DZIP1L: variants seen among roughly 807,000 people sequenced by gnomAD.
DZIP1L encodes the protein DAZ interacting zinc finger protein 1 like, also known as cilium assembly protein DZIP1L.
In DZIP1L, 90 loss-of-function variants were observed where a neutral mutation model predicts 88.7. That is an observed-to-expected ratio of 1.02 (90% CI 0.86 to 1.21). The LOEUF (loss-of-function observed/expected upper bound fraction) is 1.21. Among genes scored for constraint, DZIP1L ranks in the 50% most tolerant of loss-of-function variants. The pLI is 0.00. For missense variants in DZIP1L, 932 were observed against 955.8 expected, an observed-to-expected ratio of 0.98 and a Z score of 0.33; for synonymous variants, 363 against 372.1, an observed-to-expected ratio of 0.98 and a Z score of 0.28.
At chr3:138,064,892 G>C in intron 14 of DZIP1L, 125 bp from the exon 15 acceptor site, 2 of 1,395,326 alleles carry the variant, frequency 1.4e-6, no homozygotes, top group South Asian at 1.5e-5. Context: ...GGAGGAAGAA[G>C]GCTGAGCAAC....
At position 138,104,070 on chromosome 3, in the gene DZIP1L, A is replaced by AGTCCAAGTTAGG; in HGVS notation, c.-81-30_-81-19dup. 6.7e-7 allele frequency: 1 copy of AGTCCAAGTTAGG among 1,503,260 alleles called. No individual in the cohort carries two copies. The highest frequency in any genetic ancestry group is 8.8e-7 in the Non-Finnish European group (1 of 1,138,160). The allele number at this position is 1,503,260 out of a possible 1,614,324, so 93.1% of individuals were successfully genotyped here. On this transcript the variant is annotated intron_variant, in intron 1 of 15. Transcript: ENST00000327532. ...GAGAAGGCCTGGAAAATAAGAAGAG[A>AGTCCAAGTTAGG]GTCCAAGTTAGGTGAGGTGTGTGTG...
At position 138,062,836 on chromosome 3, in the gene DZIP1L, G is replaced by A. The variant is rs142617141; in HGVS notation, c.2284C>T (p.Pro762Ser). Residue 762 changes from proline to serine, a missense_variant, in exon 16 of 16, where the codon CCC becomes TCC. Physicochemically the swap from Pro to Ser is moderately conservative, Grantham distance 74. Transcript: ENST00000327532. Reference protein sequence around the residue: ...FGTGPQSSGQPRVPAW With the variant: ...FGTGPQSSGQSRVPAW ...GTGAATCACCAGGCAGGGACCCTGG[G>A]TTGGCCAGAGCTCTGTGGACCAGTG... is the stretch of plus-strand genomic sequence containing the variant. The A allele has an allele frequency of 6.5e-4, 1,047 of 1,614,080 alleles. 6 individuals carry two copies. Among genetic ancestry groups the A allele is most frequent in the South Asian group, 4.6e-3 (415 of 91,074 alleles).
chr3:138,064,851 G>T (rs989523395), intron 14 of DZIP1L, 84 bp from the exon 15 acceptor site: 4 of 1,517,892 alleles, frequency 2.6e-6, no homozygotes, highest in South Asian at 1.3e-5. Flanking sequence ...CCAGGCTCCA[G>T]TGTGGATAGA....
intron 11 of DZIP1L, among the ~76,000 whole-genome samples, chr3:138,074,923 G>A (rs1943334108): frequency 6.6e-6 from 1 of 151,998 alleles, no homozygotes; most frequent in Non-Finnish European, 1.5e-5. Flanking sequence ...ACTCACATTA[G>A]GACTCACACA....
In DZIP1L at chr3:138,071,760, G is replaced by A. The variant is rs184030146; in HGVS notation, c.1498C>T (p.Arg500Trp). ...AGACTCAGAAATTCAGAAAACTTCC[G>A]GGCCTTCTGCTCCCGCTGGACTCTC... ...LLRVQREQKA[R>W]KFSEFLSLRG... is the part of the protein sequence containing the mutation. Residue 500 changes from arginine to tryptophan, a missense_variant, in exon 12 of 16, where the codon CGG becomes TGG. Transcript: ENST00000327532. 6.2e-5 allele frequency: 100 copies of A among 1,614,146 alleles called. No homozygotes were observed. The East Asian group carries it at 6.9e-4, about 11-fold the overall frequency.
chr3:138,085,425 C>G (rs1943881382), intron 7 of DZIP1L, among the ~76,000 whole-genome samples: 1 of 152,092 alleles, frequency 6.6e-6, no homozygotes, highest in South Asian at 2.1e-4. Flanking sequence ...AAACAAACAA[C>G]CCCATCAAAA....
chr3:138,069,175 C>T (rs1388041356), intron 12 of DZIP1L: 5 of 681,550 alleles, frequency 7.3e-6, no homozygotes, highest in Non-Finnish European at 1.3e-5. Context: ...CTACTCAACA[C>T]AAAGATAACA....
In DZIP1L at chr3:138,092,512, T is replaced by G; in HGVS notation, c.741A>C (p.Glu247Asp). The change falls in exon 5 of 16, where the codon GAA becomes GAC. Residue 247 changes from glutamate (E) to aspartate (D), a missense_variant. Physicochemically the swap from Glu to Asp is conservative, Grantham distance 45 (BLOSUM62 2). Transcript: ENST00000327532. Reference protein sequence around the residue: ...EAELIHQREIEAKKEFDKWKE... With the variant: ...EAELIHQREIDAKKEFDKWKE... ...TCCATTTATCAAATTCTTTCTTAGCTTCTATTTCCCTCTGATGAATGAGCT... is the reference window on the plus strand; with the variant it reads ...TCCATTTATCAAATTCTTTCTTAGCGTCTATTTCCCTCTGATGAATGAGCT... The G allele has an allele frequency of 1.2e-6, 2 of 1,602,526 alleles. No homozygotes were observed. Among genetic ancestry groups the G allele is most frequent in the Non-Finnish European group, 1.7e-6 (2 of 1,176,706 alleles).
chr3:138,099,139 A>C (rs1280270294), intron 2 of DZIP1L, among the ~76,000 whole-genome samples: 2 of 152,188 alleles, frequency 1.3e-5, no homozygotes, highest in Non-Finnish European at 2.9e-5. Context: ...AAAAAATAAA[A>C]AAGAATGTAT....
intron 3 of DZIP1L, among the ~76,000 whole-genome samples, chr3:138,096,452 A>C (rs1489520217): frequency 6.6e-6 from 1 of 152,252 alleles, no homozygotes; most frequent in East Asian, 1.9e-4. Flanking sequence ...TCACATTTTC[A>C]AAGATAATTT....
intron 6 of DZIP1L, 64 bp downstream of exon 6, chr3:138,088,315 T>C (rs1559844575): frequency 2.0e-6 from 3 of 1,517,378 alleles, no homozygotes; most frequent in African/African-American, 2.8e-5. Flanking sequence ...AATGAGAGAA[T>C]ATATTGGAAG....
At chr3:138,070,653 AC>A (rs1465445761) in intron 12 of DZIP1L, among the ~76,000 whole-genome samples, 4 of 152,254 alleles carry the variant, frequency 2.6e-5, no homozygotes, top group African/African-American at 9.6e-5. Flanking sequence ...TGATGTAGCA[AC>A]TAAAATCATC....
chr3:138,078,653 T>A (rs531212423), intron 10 of DZIP1L, among the ~76,000 whole-genome samples: 22 of 152,308 alleles, frequency 1.4e-4, no homozygotes, highest in South Asian at 4.1e-4. Context: ...CCAAATCTAC[T>A]GCATCAAAAA....
intron 14 of DZIP1L, among the ~76,000 whole-genome samples, chr3:138,067,057 G>T (rs1432598193): frequency 6.6e-6 from 1 of 152,150 alleles, no homozygotes; most frequent in Non-Finnish European, 1.5e-5. Context: ...TTGGGATCTG[G>T]ATTTGGGGAG....
chr3:138,087,284 A>G (rs905044281), intron 6 of DZIP1L, among the ~76,000 whole-genome samples: 2 of 152,236 alleles, frequency 1.3e-5, no homozygotes, highest in Non-Finnish European at 2.9e-5. Flanking sequence ...TCTTAAAGCA[A>G]AATAAATTGT....
At chr3:138,112,703 T>C (rs1289565615) in intron 1 of DZIP1L, among the ~76,000 whole-genome samples, 1 of 152,128 alleles carries the variant, frequency 6.6e-6, no homozygotes, top group Non-Finnish European at 1.5e-5. Context: ...TCCCAGCACT[T>C]TGGGAGGCCA....
intron 4 of DZIP1L, 58 bp downstream of exon 4, chr3:138,094,804 A>G (rs1181351844): frequency 7.5e-6 from 12 of 1,604,836 alleles, no homozygotes; most frequent in Non-Finnish European, 7.7e-6. Context: ...ATGTGCATCA[A>G]GGGTCTCCTG....
intron 14 of DZIP1L, among the ~76,000 whole-genome samples, chr3:138,067,115 T>C (rs146570480): frequency 6.6e-6 from 1 of 152,250 alleles, no homozygotes; most frequent in East Asian, 1.9e-4. Context: ...GTTCCTCTAA[T>C]CCAGCCCTAA....
chr3:138,064,929 G>A (rs1225095044), intron 14 of DZIP1L, among the ~76,000 whole-genome samples, 162 bp from the exon 15 acceptor site: 1 of 152,190 alleles, frequency 6.6e-6, no homozygotes, highest in Non-Finnish European at 1.5e-5. Context: ...GAGAAGGCCA[G>A]GCCAACAGGT....
Sources: gnomAD v4.1 joint callset for allele counts (sites outside exome capture counted in the v4.1 genomes callset) on GRCh38, gnomAD v4.1.1 for gene constraint, MANE v1.5 for transcripts, NCBI Gene and HGNC (gene_info 2026-07-23, HGNC 2026-07-21) for gene names.